The following MTHFS variants were observed in gnomAD, a reference collection of about 807,000 sequenced individuals.
The protein encoded by MTHFS is 5-formyltetrahydrofolate cyclo-ligase.
A neutral mutation model predicts 12.7 loss-of-function variants in MTHFS; 7 were observed. That is an observed-to-expected ratio of 0.55 (90% CI 0.31 to 1.03). The LOEUF (loss-of-function observed/expected upper bound fraction) is 1.03. Among genes scored for constraint, MTHFS ranks in the 50% least tolerant of loss-of-function variants. The probability of loss-of-function intolerance (pLI) is 0.05; values close to 1 mark genes in which losing one functional copy is unlikely to be tolerated. For missense variants in MTHFS, 252 were observed against 258.1 expected (o/e 0.98, Z 0.16); for synonymous variants, 100 against 97.1 (o/e 1.03, Z -0.18).
chr15:79,849,895 A>G (rs960247605), intron 2 of MTHFS, among the ~76,000 whole-genome samples: 2 of 152,030 alleles, frequency 1.3e-5, no homozygotes, highest in African/African-American at 4.8e-5. Context: ...AACTCACCCA[A>G]CCCCACATAC....
At chr15:79,852,417 TAAG>T (rs1193163623) in intron 2 of MTHFS, among the ~76,000 whole-genome samples, 3 of 152,202 alleles carry the variant, frequency 2.0e-5, no homozygotes, top group African/African-American at 7.2e-5. Context: ...ATAACATACT[TAAG>T]GAGGAGTTAA....
At chr15:79,866,043 TAA>T (rs944200205) in intron 2 of MTHFS, among the ~76,000 whole-genome samples, 4 of 113,270 alleles carry the variant, frequency 3.5e-5, no homozygotes, top group South Asian at 6.4e-4. Flanking sequence ...TGAAATTTTA[TAA>T]GTTTTTTTTT....
chr15:79,851,237 A>G (rs949774018), intron 2 of MTHFS, among the ~76,000 whole-genome samples: 2 of 152,200 alleles, frequency 1.3e-5, no homozygotes, highest in African/African-American at 4.8e-5. Context: ...TGGTGTGACC[A>G]GCTCTTATCC....
In MTHFS at chr15:79,845,342, A is replaced by T; in HGVS notation, c.480T>A (p.Cys160Ter). The change falls in exon 3 of 3, where the codon TGT becomes TGA. Residue 160 changes from cysteine (C) to a stop codon, truncating the protein, a stop_gained. Transcript: ENST00000258874. LOFTEE classifies it low-confidence loss of function (END_TRUNC). ...AGGGCTTCACTTCCTGATGCTGCAA[A>T]CAGCGCTTCAGATAGGCATCATAGT... ...KGYYDAYLKR[C>*]LQHQEVKPYT... 6.2e-7 allele frequency: 1 copy of T among 1,614,138 alleles called. No homozygotes were observed. The highest frequency in any genetic ancestry group is 1.3e-5 in the African/African-American group (1 of 75,024).
At chr15:79,857,348 T>C (rs1361980950) in intron 2 of MTHFS, among the ~76,000 whole-genome samples, 1 of 152,038 alleles carries the variant, frequency 6.6e-6, no homozygotes, top group African/African-American at 2.4e-5. Context: ...GCCTTAAGAG[T>C]TTAGTAAAAT....
intron 2 of MTHFS, among the ~76,000 whole-genome samples, chr15:79,846,027 A>G (rs545246495): frequency 6.6e-6 from 1 of 152,348 alleles, no homozygotes; most frequent in East Asian, 1.9e-4. Flanking sequence ...GGAAAGGTAC[A>G]AGATGGGGAC....
At chr15:79,856,619 GA>G (rs1300659358) in intron 2 of MTHFS, among the ~76,000 whole-genome samples, 3 of 152,162 alleles carry the variant, frequency 2.0e-5, no homozygotes, top group Non-Finnish European at 2.9e-5. Context: ...AGAAAGGGGG[GA>G]AAGAAGAACT....
chr15:79,888,982 A>G, intron 2 of MTHFS, 111 bp downstream of exon 2: 7 of 1,463,880 alleles, frequency 4.8e-6, no homozygotes, highest in Non-Finnish European at 6.3e-6. Flanking sequence ...GGCAAAATAC[A>G]AATTAATCCC....
chr15:79,876,175 AAAC>A (rs1350356979), intron 2 of MTHFS: 1 of 152,160 alleles, frequency 6.6e-6, no homozygotes, highest in African/African-American at 2.4e-5. Flanking sequence ...ATATGCAAAG[AAAC>A]AAGAAAGTGA....
chr15:79,864,145 T>C (rs890367640), intron 2 of MTHFS, among the ~76,000 whole-genome samples: 2 of 152,200 alleles, frequency 1.3e-5, no homozygotes, highest in African/African-American at 2.4e-5. Flanking sequence ...AACATAGTCA[T>C]GATGAGTAAT....
chr15:79,851,837 C>A (rs1596061959), intron 2 of MTHFS, among the ~76,000 whole-genome samples: 1 of 152,140 alleles, frequency 6.6e-6, no homozygotes, highest in Non-Finnish European at 1.5e-5. Context: ...GGAGGAAACA[C>A]AACAAGGCCA....
At chr15:79,882,888 G>A (rs576433409) in intron 2 of MTHFS, among the ~76,000 whole-genome samples, 3 of 152,326 alleles carry the variant, frequency 2.0e-5, no homozygotes, top group South Asian at 2.1e-4. Context: ...GTCCGGGACC[G>A]ATGTTAACTC....
At chr15:79,894,536 C>A (rs1488834109) in intron 1 of MTHFS, among the ~76,000 whole-genome samples, 1 of 152,184 alleles carries the variant, frequency 6.6e-6, no homozygotes, top group Non-Finnish European at 1.5e-5. Context: ...TTAATGCCAG[C>A]TCTCAGTCGT....
intron 2 of MTHFS, among the ~76,000 whole-genome samples, chr15:79,845,658 T>C (rs1315926374): frequency 1.3e-5 from 2 of 152,212 alleles, no homozygotes; most frequent in African/African-American, 4.8e-5. Context: ...ACAGATCTTT[T>C]ACATATATCT....
intron 2 of MTHFS, among the ~76,000 whole-genome samples, chr15:79,869,921 A>T (rs1195738978): frequency 2.0e-5 from 3 of 152,208 alleles, no homozygotes; most frequent in Admixed American, 6.5e-5. Context: ...CAGATCCAGA[A>T]GAACCAAAGT....
intron 2 of MTHFS, among the ~76,000 whole-genome samples, chr15:79,888,858 C>T (rs1040863413): frequency 1.3e-5 from 2 of 152,182 alleles, no homozygotes; most frequent in African/African-American, 4.8e-5. Flanking sequence ...TATAATTCAA[C>T]CCACAAGGTA....
intron 2 of MTHFS, among the ~76,000 whole-genome samples, chr15:79,846,138 AG>A (rs1263251805): frequency 6.6e-6 from 1 of 152,220 alleles, no homozygotes; most frequent in African/African-American, 2.4e-5. Flanking sequence ...GGTGGGAGGC[AG>A]GGTCCTGGAG....
At chr15:79,866,353 T>C (rs2034010965) in intron 2 of MTHFS, among the ~76,000 whole-genome samples, 1 of 151,986 alleles carries the variant, frequency 6.6e-6, no homozygotes, top group African/African-American at 2.4e-5. Flanking sequence ...GATGGAAGAG[T>C]TTGAATCTAT....
In MTHFS at chr15:79,844,992, A is replaced by C; in HGVS notation, c.*218T>G. 1.6e-6 allele frequency: 1 copy of C among 643,180 alleles called. No individual in the cohort carries two copies. Among genetic ancestry groups the C allele is most frequent in the Non-Finnish European group, 2.5e-6 (1 of 397,160 alleles). The allele number at this position is 643,180 out of a possible 1,614,324, so 39.8% of individuals were successfully genotyped here. A position where few individuals can be genotyped will look rare whatever the true frequency, so the allele number is the denominator to read the frequency against. ...ACCAGGAAGTTAAGCTGAAAATCAC[A>C]GGCTGATAGCCTCCATTTTAATTAA... On this transcript the variant is annotated 3_prime_UTR_variant, in exon 3 of 3. Transcript: ENST00000258874.
Sources: allele counts gnomAD v4.1 joint callset (sites outside exome capture counted in the v4.1 genomes callset), GRCh38; gene constraint gnomAD v4.1.1; transcripts MANE v1.5; gene names NCBI Gene and HGNC (gene_info 2026-07-23, HGNC 2026-07-21).